The following CTBP2 variants were observed in gnomAD, a reference collection of about 807,000 sequenced individuals.
The protein encoded by CTBP2 is C-terminal binding protein 2.
In CTBP2, 30 loss-of-function variants were observed where a neutral mutation model predicts 80.3. That is an observed-to-expected ratio of 0.37 (90% CI 0.28 to 0.51). The LOEUF (loss-of-function observed/expected upper bound fraction) is 0.51. Among genes scored for constraint, CTBP2 ranks in the 20% least tolerant of loss-of-function variants. CTBP2 has a pLI of 0.93. For missense variants in CTBP2, 1,212 were observed against 1,375.3 expected (o/e 0.88, Z 1.88); for synonymous variants, 594 against 587.4 (o/e 1.01, Z -0.16).
intron 2 of CTBP2, among the ~76,000 whole-genome samples, chr10:125,042,878 A>AGCCAAACC (rs1342573454): frequency 1.7e-5 from 2 of 119,360 alleles, no homozygotes; most frequent in Non-Finnish European, 3.4e-5. Flanking sequence ...AGTGCCCTGA[A>AGCCAAACC]GCCAAACCGC....
intron 1 of CTBP2, among the ~76,000 whole-genome samples, chr10:125,131,206 T>C (rs1326114376): frequency 6.6e-6 from 1 of 152,166 alleles, no homozygotes; most frequent in Non-Finnish European, 1.5e-5. Context: ...ATTCAGAACG[T>C]AGCAGCTGGG....
intron 2 of CTBP2, among the ~76,000 whole-genome samples, chr10:125,056,490 T>C (rs192193225): frequency 3.3e-5 from 5 of 151,976 alleles, no homozygotes; most frequent in Admixed American, 2.6e-4. Context: ...TTCAGAAGAG[T>C]GTGCCATTGG....
chr10:125,149,238 T>C (rs1451653293), intron 1 of CTBP2, among the ~76,000 whole-genome samples: 1 of 152,176 alleles, frequency 6.6e-6, no homozygotes, highest in East Asian at 1.9e-4. Context: ...TTCTCATGCT[T>C]AGATGCCACT....
intron 2 of CTBP2, among the ~76,000 whole-genome samples, chr10:125,108,781 T>C (rs540173538): frequency 6.6e-6 from 1 of 152,258 alleles, no homozygotes; most frequent in Non-Finnish European, 1.5e-5. Context: ...GTGGACACCA[T>C]GAGCTGTTGT....
intron 2 of CTBP2, among the ~76,000 whole-genome samples, chr10:125,052,773 C>T (rs902910884): frequency 6.6e-6 from 1 of 152,186 alleles, no homozygotes; most frequent in African/African-American, 2.4e-5. Context: ...TCCTGCTTGG[C>T]GGCAGCCCCA....
rs1248202607 is a variant in CTBP2 at position 125,037,951 on chromosome 10, T to C, written c.58+1046A>G. ...CTGAATGGAATATTGGTGTTCACTG[T>C]ACCATCCTACCAACCTCTCTGTAGG... On this transcript the variant is annotated intron_variant, in intron 3 of 10. Coordinates refer to the CTBP2 transcript ENST00000337195. Among the ~76,000 whole-genome samples, 5 of 152,256 alleles carry C rather than the reference T, an allele frequency of 3.3e-5. 1 individual carries two copies. The South Asian group carries it at 1.0e-3, about 31-fold the overall frequency.
intron 2 of CTBP2, among the ~76,000 whole-genome samples, chr10:125,101,695 C>T (rs376386485): frequency 3.9e-5 from 6 of 152,166 alleles, no homozygotes; most frequent in Admixed American, 1.3e-4. Context: ...CGTCTTGCAT[C>T]GAAATGTTCA....
In CTBP2 at chr10:125,102,973, A is replaced by G. The variant is rs369833503; in HGVS notation, c.-102+8017T>C. Among the ~76,000 whole-genome samples, 234 of 152,304 alleles carry G rather than the reference A, an allele frequency of 1.5e-3. 2 individuals are homozygous for G. Among genetic ancestry groups the G allele is most frequent in the Middle Eastern group, 0.014 (4 of 294 alleles). On this transcript the variant is annotated intron_variant, in intron 2 of 10. Coordinates refer to the CTBP2 transcript ENST00000337195. ...AAGAGCAGCACCCACAGGTGGCGGG[A>G]GAGTACAGCTGGGTCCCCACACCCT...
At chr10:125,123,422 G>A (rs1854675790) in intron 1 of CTBP2, among the ~76,000 whole-genome samples, 1 of 152,096 alleles carries the variant, frequency 6.6e-6, no homozygotes, top group Non-Finnish European at 1.5e-5. Flanking sequence ...CCAGGGAAAG[G>A]GTTTAAGGGA....
intron 1 of CTBP2, among the ~76,000 whole-genome samples, chr10:125,123,816 C>T (rs1479531200): frequency 6.6e-6 from 1 of 152,234 alleles, no homozygotes; most frequent in Non-Finnish European, 1.5e-5. Flanking sequence ...ATGACTGACT[C>T]ATTGTTCTCT....
intron 1 of CTBP2, among the ~76,000 whole-genome samples, chr10:125,116,191 C>T (rs1390141184): frequency 6.6e-6 from 1 of 152,140 alleles, no homozygotes; most frequent in Non-Finnish European, 1.5e-5. Context: ...GCCCAAACCA[C>T]CGAATGACTG....
At chr10:125,130,543 T>C (rs1344105385) in intron 1 of CTBP2, among the ~76,000 whole-genome samples, 1 of 152,194 alleles carries the variant, frequency 6.6e-6, no homozygotes, top group East Asian at 1.9e-4. Flanking sequence ...TGAAGTTGCG[T>C]TCCCAGCTCA....
intron 1 of CTBP2, among the ~76,000 whole-genome samples, chr10:125,146,697 C>G (rs531100451): frequency 6.6e-6 from 1 of 152,126 alleles, no homozygotes; most frequent in African/African-American, 2.4e-5. Flanking sequence ...CCTTCCTTAC[C>G]CCACCTTGCC....
chr10:125,031,315 CCT>C (rs771426392), upstream of CTBP2, among the ~76,000 whole-genome samples: 46 of 151,744 alleles, frequency 3.0e-4, no homozygotes, highest in Non-Finnish European at 5.6e-4. Context: ...ATGGCGAAAC[CCT>C]GTCTCTACTA....
intron 1 of CTBP2, among the ~76,000 whole-genome samples, chr10:125,017,401 C>T (rs1447568520): frequency 1.3e-5 from 2 of 152,160 alleles, no homozygotes; most frequent in South Asian, 4.1e-4. Flanking sequence ...TCTATGTGAT[C>T]AGTTTCCCTC....
At chr10:125,008,417 G>C (rs1010239048) in intron 1 of CTBP2, among the ~76,000 whole-genome samples, 5 of 152,226 alleles carry the variant, frequency 3.3e-5, no homozygotes, top group African/African-American at 1.2e-4. Flanking sequence ...AGTCCCTGCA[G>C]GTTGCAGTCT....
chr10:124,998,216 C>A, intron 3 of CTBP2, 46 bp from the exon 6 acceptor site: 1 of 1,557,332 alleles, frequency 6.4e-7, no homozygotes, highest in Non-Finnish European at 8.7e-7. Context: ...ACCTCAAGAT[C>A]AGTGGGGAAG....
intron 1 of CTBP2, among the ~76,000 whole-genome samples, chr10:125,009,919 A>G (rs1955675639): frequency 6.6e-6 from 1 of 152,206 alleles, no homozygotes; most frequent in Non-Finnish European, 1.5e-5. Flanking sequence ...TAACCATGTT[A>G]TAAAAGCTGT....
chr10:125,118,469 GA>G (rs1853717134), intron 1 of CTBP2, among the ~76,000 whole-genome samples: 1 of 152,136 alleles, frequency 6.6e-6, no homozygotes, highest in Admixed American at 6.5e-5. Flanking sequence ...AAGGGGGGAA[GA>G]AAAGTGGATC....
Sources: gnomAD v4.1 joint callset for allele counts (sites outside exome capture counted in the v4.1 genomes callset) on GRCh38, gnomAD v4.1.1 for gene constraint, MANE v1.5 for transcripts, NCBI Gene and HGNC (gene_info 2026-07-23, HGNC 2026-07-21) for gene names.